Variants in GALNT9 observed in about 807,000 individuals in gnomAD.
The protein encoded by GALNT9 is GalNAc transferase 9.
A neutral mutation model predicts 63.1 loss-of-function variants in GALNT9; 47 were observed. That is an observed-to-expected ratio of 0.75 (90% CI 0.59 to 0.95). The LOEUF (loss-of-function observed/expected upper bound fraction) is 0.95, where lower values mean the gene tolerates loss of function less well. GALNT9 is among the 40% of genes least tolerant of loss of function. The probability of loss-of-function intolerance (pLI) is 0.00; values close to 1 mark genes in which losing one functional copy is unlikely to be tolerated. For synonymous variants in GALNT9, 396 were observed against 365.7 expected (o/e 1.08, Z -0.94); for missense variants, 829 against 874.8 (o/e 0.95, Z 0.66).
rs1387505114 is a variant in GALNT9, at chr12:132,265,424, T to G, written c.420-2799A>C. ...CGGAAACACATCTTCTGGCCCGGGT[T>G]TAATCTCAGAAGGGCCTGTCCTCAT... On this transcript the variant is annotated intron_variant, in intron 2 of 10. Coordinates refer to ENST00000328957, the MANE Select transcript of GALNT9 (RefSeq NM_001122636.2). This position sits in a 1 kb window ranked among gnomAD's most constrained non-coding sequence, Gnocchi z 5.3. Among the ~76,000 whole-genome samples, 2 of 152,118 alleles carry G rather than the reference T, an allele frequency of 1.3e-5. No homozygotes were observed. The highest frequency in any genetic ancestry group is 2.9e-5 in the Non-Finnish European group (2 of 68,020).
intron 1 of GALNT9, among the ~76,000 whole-genome samples, chr12:132,291,500 C>G (rs1555242758): frequency 6.7e-6 from 1 of 148,746 alleles, no homozygotes; most frequent in African/African-American, 2.5e-5. Context: ...ACCACAGCGC[C>G]CACGTCCACA....
chr12:132,303,400 G>T lies in GALNT9; in HGVS notation c.239-16970C>A. Among the ~76,000 whole-genome samples the T allele has an allele frequency of 1.4e-5, 2 of 147,854 alleles. 1 individual carries two copies. Among genetic ancestry groups the T allele is most frequent in the African/African-American group, 5.0e-5 (2 of 40,006 alleles). ...CCTCTCCGGGGCACAGCCTCGCCCG[G>T]GCACACCCTCACCCGGGCACAGCCT... On this transcript the variant is annotated intron_variant, in intron 1 of 10. Coordinates refer to ENST00000328957, the MANE Select transcript of GALNT9 (RefSeq NM_001122636.2).
Position 132,296,778 on chromosome 12 carries a change from A to C in GALNT9, c.239-10348T>G, listed in dbSNP as rs982586633. On this transcript the variant is annotated intron_variant, in intron 1 of 10. Coordinates refer to ENST00000328957, the MANE Select transcript of GALNT9 (RefSeq NM_001122636.2). This position sits in a 1 kb window ranked among gnomAD's most constrained non-coding sequence, Gnocchi z 4.2. ...TCCAAGATGAAGAGGCACGGATCTG[A>C]CTTCGGCCTCTGTGCTGTGTCATCC... Among the ~76,000 whole-genome samples the C allele has an allele frequency of 3.4e-5, 5 of 147,860 alleles. No homozygotes were observed. Among genetic ancestry groups the C allele is most frequent in the African/African-American group, 1.3e-4 (5 of 39,892 alleles).
intron 4 of GALNT9, among the ~76,000 whole-genome samples, chr12:132,258,215 C>T (rs755772326): frequency 8.6e-4 from 131 of 152,282 alleles, no homozygotes; most frequent in Non-Finnish European, 1.1e-3. Context: ...ATGTCCACCA[C>T]GGGGCTCCCC....
chr12:132,237,059 TC>T (rs1878030030), intron 6 of GALNT9, among the ~76,000 whole-genome samples: 1 of 152,086 alleles, frequency 6.6e-6, no homozygotes, highest in African/African-American at 2.4e-5. Context: ...CTCCTCCATC[TC>T]TCAGGGAGCC....
At chr12:132,262,125 C>T (rs1395348995) in intron 3 of GALNT9, among the ~76,000 whole-genome samples, 2 of 152,200 alleles carry the variant, frequency 1.3e-5, no homozygotes, top group East Asian at 1.9e-4. Context: ...TAGATGTATC[C>T]GGTTGAGTAT....
Position 132,286,140 on chromosome 12 carries a change from G to A in GALNT9, c.419+110C>T. The A allele has an allele frequency of 7.6e-7, 1 of 1,320,362 alleles. No homozygotes were observed. Among genetic ancestry groups the A allele is most frequent in the East Asian group, 2.9e-5 (1 of 34,702 alleles). The allele number at this position is 1,320,362 out of a possible 1,614,324, so 81.8% of individuals were successfully genotyped here. ...CGGTCACTTCCCTGGCGGGCGTGGG[G>A]GCCGCTCACTTCCCCGGCCGGCGTG... On this transcript the variant is annotated intron_variant, in intron 2 of 10. Coordinates refer to ENST00000328957, the MANE Select transcript of GALNT9 (RefSeq NM_001122636.2). This position sits in a 1 kb window ranked among gnomAD's most constrained non-coding sequence, Gnocchi z 7.4.
intron 2 of GALNT9, among the ~76,000 whole-genome samples, chr12:132,276,978 G>C (rs2135554713): frequency 6.6e-6 from 1 of 152,068 alleles, no homozygotes; most frequent in East Asian, 1.9e-4. Flanking sequence ...CACACACACA[G>C]ATACATGCAC....
intron 2 of GALNT9, among the ~76,000 whole-genome samples, chr12:132,269,434 A>G (rs1161400998): frequency 6.6e-6 from 1 of 152,050 alleles, no homozygotes; most frequent in Non-Finnish European, 1.5e-5. Flanking sequence ...TCCGGGCGGG[A>G]GCCACGGAGT....
At chr12:132,260,729 C>A (rs1167955018) in intron 4 of GALNT9, among the ~76,000 whole-genome samples, 1 of 152,244 alleles carries the variant, frequency 6.6e-6, no homozygotes, top group African/African-American at 2.4e-5. Context: ...CCTGCCCTCC[C>A]GTGGTTTTGC....
At chr12:132,226,749 T>C (rs1316815054) in intron 6 of GALNT9, among the ~76,000 whole-genome samples, 10 of 124,434 alleles carry the variant, frequency 8.0e-5, no homozygotes, top group Admixed American at 1.7e-4. Flanking sequence ...ATACACCCCA[T>C]ACACCCACCC....
intron 6 of GALNT9, chr12:132,205,959 G>A (rs974155586): frequency 2.0e-5 from 3 of 152,324 alleles, no homozygotes; most frequent in African/African-American, 7.2e-5. Flanking sequence ...GGGCCGGAAC[G>A]AAGGAAGCTC....
rs1042312525 is a variant in GALNT9 at position 132,301,732 on chromosome 12, C to T, written c.239-15302G>A. 8.5e-5 allele frequency among the ~76,000 whole-genome samples: 13 copies of T among 152,382 alleles called. 1 individual carries two copies. In the South Asian group the frequency reaches 2.5e-3, roughly 29 times the overall value. ...AGCCCTCCCTGGCAAATGCAGCCTC[C>T]CCCATGCCCTGCACAACCTTCATGA... On this transcript the variant is annotated intron_variant, in intron 1 of 10. Transcript: ENST00000328957.
intron 6 of GALNT9, chr12:132,206,087 T>C (rs74484855): frequency 0.045 from 6,788 of 152,460 alleles, 516 homozygotes; most frequent in African/African-American, 0.16. Flanking sequence ...CTACCCCCAG[T>C]ACAGAGGCCA....
chr12:132,257,866 C>T lies in GALNT9; in HGVS notation c.782G>A (p.Arg261Gln), dbSNP rs575695803. 1.3e-4 allele frequency: 206 copies of T among 1,545,466 alleles called. No homozygotes were observed. The highest frequency in any genetic ancestry group is 1.2e-3 in the Admixed American group (61 of 50,948). The change falls in exon 5 of 11, where the codon CGG becomes CAG. Residue 261 changes from arginine to glutamine, a missense_variant. Physicochemically the swap from Arg to Gln is conservative, Grantham distance 43. Coordinates refer to ENST00000328957, the MANE Select transcript of GALNT9 (RefSeq NM_001122636.2). ...GATGCGACGCCGGTCCTCTCGGATC[C>T]GCGACAGTGCGGGCTCGGCCCTGCG... is the stretch of plus-strand genomic sequence containing the variant. ...NTGWAEPALS[R>Q]IREDRRRIVL...
intron 6 of GALNT9, among the ~76,000 whole-genome samples, chr12:132,239,338 TCAGAGA>T (rs1878130778): frequency 8.5e-5 from 2 of 23,638 alleles, no homozygotes; most frequent in Non-Finnish European, 1.7e-4. Flanking sequence ...AGAGACAGAG[TCAGAGA>T]CAGAGTCAGA....
At chr12:132,198,771 C>T (rs556229918) in intron 9 of GALNT9, among the ~76,000 whole-genome samples, 3 of 152,212 alleles carry the variant, frequency 2.0e-5, no homozygotes, top group South Asian at 2.1e-4. Flanking sequence ...CCTGCCTCAG[C>T]CTCCCGAGCA....
intron 8 of GALNT9, 132 bp from the exon 9 acceptor site, chr12:132,199,401 T>A: frequency 1.5e-6 from 1 of 652,800 alleles, no homozygotes; most frequent in Non-Finnish European, 2.7e-6. Context: ...TGTGGGATGC[T>A]CTGGCCGGGT....
intron 1 of GALNT9, among the ~76,000 whole-genome samples, chr12:132,290,123 G>A (rs1880750761): frequency 2.6e-5 from 4 of 152,080 alleles, no homozygotes; most frequent in African/African-American, 9.7e-5. Flanking sequence ...CATCAGGGGT[G>A]CCAATTTCCC....
Sources: allele counts gnomAD v4.1 joint callset (sites outside exome capture counted in the v4.1 genomes callset), GRCh38; gene constraint gnomAD v4.1.1; non-coding constraint Gnocchi (gnomAD v3.1); transcripts MANE v1.5; gene names NCBI Gene and HGNC (gene_info 2026-07-23, HGNC 2026-07-21).